TMPRSS11A: variants seen among roughly 807,000 people sequenced by gnomAD.
The protein encoded by TMPRSS11A is transmembrane protease serine 11A.
In TMPRSS11A, 53 loss-of-function variants were observed where a neutral mutation model predicts 58.9. The ratio of observed to expected loss-of-function variants is 0.90; its 90% CI spans 0.72 to 1.13. TMPRSS11A has a LOEUF of 1.13. TMPRSS11A is among the 50% of genes most tolerant of loss of function. The pLI, the probability that TMPRSS11A is intolerant of heterozygous loss-of-function variation, is 0.00. For missense variants in TMPRSS11A, 493 were observed against 499.3 expected (o/e 0.99, Z 0.12); for synonymous variants, 167 against 169.8 (o/e 0.98, Z 0.13).
At chr4:67,930,808 C>CTTTTTTTTTTT (rs67302217) in intron 4 of TMPRSS11A, among the ~76,000 whole-genome samples, 7 of 51,162 alleles carry the variant, frequency 1.4e-4, no homozygotes, top group Admixed American at 5.9e-4. Flanking sequence ...GTTATCTCTC[C>CTTTTTTTTTTT]TTTTTTTTTT....
intron 1 of TMPRSS11A, among the ~76,000 whole-genome samples, chr4:67,953,431 GT>G (rs1467979873): frequency 6.6e-6 from 1 of 152,082 alleles, no homozygotes; most frequent in African/African-American, 2.4e-5. Flanking sequence ...AAAACTACTT[GT>G]TGAATTAGAT....
intron 1 of TMPRSS11A, among the ~76,000 whole-genome samples, chr4:67,956,331 AAGC>A (rs1202444119): frequency 5.3e-5 from 8 of 152,214 alleles, no homozygotes; most frequent in Non-Finnish European, 5.9e-5. Context: ...TCTGACTTCA[AAGC>A]CATCTGTTCT....
intron 4 of TMPRSS11A, among the ~76,000 whole-genome samples, chr4:67,931,432 T>C (rs1260596907): frequency 6.6e-6 from 1 of 152,214 alleles, no homozygotes; most frequent in African/African-American, 2.4e-5. Context: ...TTTTTCAAAA[T>C]AACACAATTG....
intron 8 of TMPRSS11A, among the ~76,000 whole-genome samples, chr4:67,918,318 G>T (rs1307199172): frequency 2.0e-5 from 3 of 152,130 alleles, no homozygotes; most frequent in African/African-American, 7.2e-5. Flanking sequence ...TTTCTTACAA[G>T]ACTAAGTTAG....
chr4:67,924,243 G>T, intron 5 of TMPRSS11A, 77 bp from the exon 6 acceptor site: 1 of 1,199,008 alleles, frequency 8.3e-7, no homozygotes, highest in Non-Finnish European at 1.2e-6. Flanking sequence ...ATAATCAGAG[G>T]ATACTGACCA....
At chr4:67,919,267 A>T in intron 7 of TMPRSS11A, 35 bp from the exon 8 acceptor site, 1 of 1,592,770 alleles carries the variant, frequency 6.3e-7, no homozygotes, top group Non-Finnish European at 8.6e-7. Context: ...AATATATATA[A>T]GCTGCCCAAA....
At chr4:67,946,841 A>C (rs1721028918) in intron 1 of TMPRSS11A, among the ~76,000 whole-genome samples, 1 of 152,102 alleles carries the variant, frequency 6.6e-6, no homozygotes, top group African/African-American at 2.4e-5. Context: ...AGCATGGTCC[A>C]AGGTGGCATA....
At chr4:67,960,161 G>C (rs1721390262) in intron 1 of TMPRSS11A, among the ~76,000 whole-genome samples, 1 of 152,184 alleles carries the variant, frequency 6.6e-6, no homozygotes, top group Non-Finnish European at 1.5e-5. Flanking sequence ...CAGACTACTA[G>C]AGGGGCAAGG....
At position 67,909,814 on chromosome 4, in the gene TMPRSS11A, A is replaced by G. The variant is rs1050837253; in HGVS notation, c.*1528T>C. The G allele has an allele frequency of 6.6e-6, 1 of 152,138 alleles. No individual in the cohort carries two copies. The highest frequency in any genetic ancestry group is 1.5e-5 in the Non-Finnish European group (1 of 67,972). 9.4% of individuals were successfully genotyped at this position (152,138 alleles called of 1,614,324 possible). A position where few individuals can be genotyped will look rare whatever the true frequency, so the allele number is the denominator to read the frequency against. On this transcript the variant is annotated 3_prime_UTR_variant, in exon 10 of 10. Coordinates refer to ENST00000508048, the MANE Select transcript of TMPRSS11A (RefSeq NM_001114387.2). ...ATATACTCATATTCTTAAACATAAC[A>G]TAAGTATATTGGCCTATGTGACATG...
intron 1 of TMPRSS11A, among the ~76,000 whole-genome samples, chr4:67,960,110 T>C (rs1470357912): frequency 2.6e-5 from 4 of 152,044 alleles, no homozygotes; most frequent in East Asian, 1.9e-4. Flanking sequence ...GAGATAAATA[T>C]TGAGCACACA....
At chr4:67,949,725 G>A (rs959142461) in intron 1 of TMPRSS11A, among the ~76,000 whole-genome samples, 13 of 152,072 alleles carry the variant, frequency 8.5e-5, no homozygotes, top group African/African-American at 2.7e-4. Context: ...TGGGTGTGGT[G>A]GTGTACACCT....
chr4:67,921,612 A>T (rs1312404658), intron 7 of TMPRSS11A, among the ~76,000 whole-genome samples: 2 of 152,222 alleles, frequency 1.3e-5, no homozygotes, highest in African/African-American at 4.8e-5. Flanking sequence ...CCAAGCCTAG[A>T]TTCTTAATAT....
At chr4:67,942,879 CT>C (rs1342948291) in intron 3 of TMPRSS11A, among the ~76,000 whole-genome samples, 5 of 152,088 alleles carry the variant, frequency 3.3e-5, no homozygotes, top group Non-Finnish European at 7.4e-5. Context: ...TAACATATAT[CT>C]TTTAAAAAGT....
At chr4:67,928,746 A>AT in intron 5 of TMPRSS11A, among the ~76,000 whole-genome samples, 1 of 152,146 alleles carries the variant, frequency 6.6e-6, no homozygotes, top group African/African-American at 2.4e-5. Flanking sequence ...ATTACCTCAC[A>AT]TTTTTTACTT....
intron 1 of TMPRSS11A, among the ~76,000 whole-genome samples, chr4:67,948,657 G>A (rs1721086091): frequency 6.6e-6 from 1 of 152,210 alleles, no homozygotes; most frequent in Non-Finnish European, 1.5e-5. Flanking sequence ...AGAACTGGCT[G>A]CGGAAAGGCA....
chr4:67,920,332 A>C (rs1720285582), intron 7 of TMPRSS11A, among the ~76,000 whole-genome samples: 1 of 151,742 alleles, frequency 6.6e-6, no homozygotes, highest in East Asian at 1.9e-4. Context: ...TCTCCCACCA[A>C]TTTACATTAT....
At chr4:67,916,004 C>T (rs959327084) in intron 8 of TMPRSS11A, among the ~76,000 whole-genome samples, 13 of 152,156 alleles carry the variant, frequency 8.5e-5, no homozygotes, top group African/African-American at 2.7e-4. Context: ...ACTTTTTCTT[C>T]CTAACTGCAA....
At position 67,961,285 on chromosome 4, in the gene TMPRSS11A, T is replaced by C. The variant is rs543014792; in HGVS notation, c.11+2098A>G. Among the ~76,000 whole-genome samples, 254 of 152,212 alleles carry C rather than the reference T, an allele frequency of 1.7e-3. 1 individual carries two copies. The highest frequency in any genetic ancestry group is 5.9e-3 in the African/African-American group (245 of 41,540). On this transcript the variant is annotated intron_variant, in intron 1 of 9. Transcript: ENST00000508048. Reference sequence around the variant, plus strand: ...TGACTGTGGGTGAGACATAGGGTATTGTAGTAATTATTAACCATCTGCTTT... The same window carrying C: ...TGACTGTGGGTGAGACATAGGGTATCGTAGTAATTATTAACCATCTGCTTT...
intron 2 of TMPRSS11A, among the ~76,000 whole-genome samples, chr4:67,945,891 A>G (rs1720991555): frequency 6.6e-6 from 1 of 152,212 alleles, no homozygotes; most frequent in African/African-American, 2.4e-5. Context: ...ATAATCCCTG[A>G]ATATTGTTTT....
Sources: gnomAD v4.1 joint callset for allele counts (sites outside exome capture counted in the v4.1 genomes callset) on GRCh38, gnomAD v4.1.1 for gene constraint, MANE v1.5 for transcripts, NCBI Gene and HGNC (gene_info 2026-07-23, HGNC 2026-07-21) for gene names.